Variants in SIGLEC15 observed in about 807,000 individuals in gnomAD.
SIGLEC15 encodes the protein sialic acid binding Ig like lectin 15, also known as sialic acid-binding Ig-like lectin 15.
Under a neutral mutation model 26.2 loss-of-function variants are expected in SIGLEC15, and 31 were observed. The ratio of observed to expected loss-of-function variants is 1.18; its 90% CI spans 0.89 to 1.60. The LOEUF (loss-of-function observed/expected upper bound fraction) is 1.60. Among genes scored for constraint, SIGLEC15 ranks in the 40% most tolerant of loss-of-function variants. SIGLEC15 has a pLI of 0.00. For missense variants in SIGLEC15, 501 were observed against 488.4 expected (o/e 1.03, Z -0.24); for synonymous variants, 207 against 221.9 (o/e 0.93, Z 0.60).
chr18:45,840,273 A>G (rs2048314337), intron 5 of SIGLEC15, 32 bp downstream of exon 5: 2 of 1,602,774 alleles, frequency 1.2e-6, no homozygotes, highest in African/African-American at 2.7e-5. Context: ...ACCCTACCCT[A>G]CCCCACCCAC....
At chr18:45,840,070 TCA>T in intron 4 of SIGLEC15, 139 bp from the exon 5 acceptor site, 2 of 861,624 alleles carry the variant, frequency 2.3e-6, no homozygotes, top group Non-Finnish European at 3.6e-6. Context: ...TGGCACAGCT[TCA>T]CACCCTGCTA....
At chr18:45,825,847 C>T (rs768363417) in intron 1 of SIGLEC15, 67 bp downstream of exon 1, 45 of 1,583,194 alleles carry the variant, frequency 2.8e-5, no homozygotes, top group Non-Finnish European at 3.7e-5. Context: ...ATCTTAGGTA[C>T]AGTCTCCCCT....
In SIGLEC15 at chr18:45,834,533, G is replaced by T. The variant is rs541798951; in HGVS notation, c.53-2496G>T. Among the ~76,000 whole-genome samples, 64 of 152,342 alleles carry T rather than the reference G, an allele frequency of 4.2e-4. 1 individual carries two copies. Among genetic ancestry groups the T allele is most frequent in the Admixed American group, 1.4e-3 (22 of 15,314 alleles). On this transcript the variant is annotated intron_variant, in intron 1 of 5. Coordinates refer to ENST00000389474, the MANE Select transcript of SIGLEC15 (RefSeq NM_213602.3). The stretch of plus-strand genomic sequence containing the variant: ...CCCTGAGGATGAAGAGGAGGAGCTG[G>T]TGAGTGACATGGCCAGAAGCCATAT...
chr18:45,838,311 A>T (rs1437407086), intron 3 of SIGLEC15, among the ~76,000 whole-genome samples: 1 of 152,148 alleles, frequency 6.6e-6, no homozygotes, highest in African/African-American at 2.4e-5. Flanking sequence ...AGTAGTGCCT[A>T]GCACTTTGCC....
Position 45,837,082 on chromosome 18 carries a change from G to T in SIGLEC15, c.106G>T (p.Val36Leu), listed in dbSNP as rs1284674285. Residue 36 changes from valine to leucine, a missense_variant, in exon 2 of 6, where the codon GTG becomes TTG. Coordinates refer to ENST00000389474, the MANE Select transcript of SIGLEC15 (RefSeq NM_213602.3). The stretch of plus-strand genomic sequence containing the variant: ...TACGGAGAACTTGCTCAACACAGAG[G>T]TGCACAGTAAGTGCTTTTATTATTA... ...DTTENLLNTE[V>L]HSSPAQRWSM... 6.2e-7 allele frequency: 1 copy of T among 1,611,710 alleles called. No individual in the cohort carries two copies. Among genetic ancestry groups the T allele is most frequent in the South Asian group, 1.1e-5 (1 of 91,014 alleles).
In SIGLEC15 at chr18:45,842,316, G is replaced by A. The variant is rs1025944102; in HGVS notation, c.*129G>A. On this transcript the variant is annotated 3_prime_UTR_variant, in exon 6 of 6. Coordinates refer to ENST00000389474, the MANE Select transcript of SIGLEC15 (RefSeq NM_213602.3). ...CCCCCAGCTGGGTGGCTCCTCCCCTGCTCAAGGTCAAGACCCTGCTCAAGG... is the reference window on the plus strand; with the variant it reads ...CCCCCAGCTGGGTGGCTCCTCCCCTACTCAAGGTCAAGACCCTGCTCAAGG... 1.2e-5 allele frequency: 11 copies of A among 903,520 alleles called. No homozygotes were observed. Among genetic ancestry groups the A allele is most frequent in the African/African-American group, 1.2e-4 (7 of 59,790 alleles). The allele number at this position is 903,520 out of a possible 1,614,324, so 56.0% of individuals were successfully genotyped here.
In SIGLEC15 at chr18:45,835,561, C is replaced by T. The variant is rs961421631; in HGVS notation, c.53-1468C>T. 2.0e-5 allele frequency among the ~76,000 whole-genome samples: 3 copies of T among 152,314 alleles called. No homozygotes were observed. In the South Asian group the frequency reaches 6.2e-4, roughly 32 times the overall value. ...TAACAAACTGGTGCTGATCTCATTT[C>T]GTAGAGGTCAGTCACTCTCCCACTC... is the stretch of plus-strand genomic sequence containing the variant. On this transcript the variant is annotated intron_variant, in intron 1 of 5. Coordinates refer to ENST00000389474, the MANE Select transcript of SIGLEC15 (RefSeq NM_213602.3).
intron 1 of SIGLEC15, among the ~76,000 whole-genome samples, chr18:45,831,207 G>T (rs924754752): frequency 6.6e-6 from 1 of 152,182 alleles, no homozygotes; most frequent in Admixed American, 6.5e-5. Flanking sequence ...GTGTCCACCT[G>T]CTACACTCGC....
In SIGLEC15 at chr18:45,831,587, A is replaced by G. The variant is rs555885330; in HGVS notation, c.53-5442A>G. On this transcript the variant is annotated intron_variant, in intron 1 of 5. Transcript: ENST00000389474. ...CAGCACCCAGCAGAGTCTCTAGCAC[A>G]TGGTAAACTCTCAATAAATACCTAT... 2.6e-5 allele frequency among the ~76,000 whole-genome samples: 4 copies of G among 152,366 alleles called. No individual in the cohort carries two copies. In the South Asian group the frequency reaches 8.3e-4, roughly 32 times the overall value.
chr18:45,837,628 G>C lies in SIGLEC15; in HGVS notation c.228G>C (p.Pro76=). 1 of 1,507,766 alleles carries C rather than the reference G, an allele frequency of 6.6e-7. No homozygotes were observed. Among genetic ancestry groups the C allele is most frequent in the Non-Finnish European group, 8.8e-7 (1 of 1,135,880 alleles). 93.4% of individuals were successfully genotyped at this position (1,507,766 alleles called of 1,614,324 possible). A position where few individuals can be genotyped will look rare whatever the true frequency, so the allele number is the denominator to read the frequency against. The stretch of plus-strand genomic sequence containing the variant: ...ACCCGCACCGCCACTACGACGGGCC[G>C]CTGACGGCCATCTGGCGCGCGGGCG... The part of the protein sequence containing the change: ...FTHPHRHYDG[P]LTAIWRAGEP... Residue 76 remains proline, a synonymous_variant, in exon 3 of 6, where the codon CCG becomes CCC. Transcript: ENST00000389474.
chr18:45,830,689 G>A (rs1351358375), intron 1 of SIGLEC15, among the ~76,000 whole-genome samples: 7 of 140,566 alleles, frequency 5.0e-5, no homozygotes, highest in South Asian at 2.3e-4. Flanking sequence ...AGGTTCAAGC[G>A]AGTCTCCTGC....
rs983092148 is a variant in SIGLEC15 at position 45,842,720 on chromosome 18, A to C, written c.*533A>C. 1 of 156,454 alleles carries C rather than the reference A, an allele frequency of 6.4e-6. No homozygotes were observed. The highest frequency in any genetic ancestry group is 1.4e-5 in the Non-Finnish European group (1 of 70,546). The allele number at this position is 156,454 out of a possible 1,614,324, so 9.7% of individuals were successfully genotyped here. ...AGGACTACAAAGATCTGAGGAAATA[A>C]TGGATATGAAGGGGCTTTGGAAAGT... is the stretch of plus-strand genomic sequence containing the variant. On this transcript the variant is annotated 3_prime_UTR_variant, in exon 6 of 6. Coordinates refer to ENST00000389474, the MANE Select transcript of SIGLEC15 (RefSeq NM_213602.3).
chr18:45,841,593 C>A (rs141274240), intron 5 of SIGLEC15, among the ~76,000 whole-genome samples: 1 of 151,992 alleles, frequency 6.6e-6, no homozygotes, highest in Non-Finnish European at 1.5e-5. Context: ...AGTGGGTAGA[C>A]GGGAGGCAGG....
chr18:45,825,920 G>A, intron 1 of SIGLEC15, 140 bp downstream of exon 1: 2 of 975,606 alleles, frequency 2.1e-6, no homozygotes, highest in Non-Finnish European at 3.1e-6. Flanking sequence ...CTGCGCTTGG[G>A]GCCTGTGGTG....
intron 5 of SIGLEC15, 90 bp downstream of exon 5, chr18:45,840,331 C>T (rs1026483087): frequency 7.0e-7 from 1 of 1,432,648 alleles, no homozygotes; most frequent in African/African-American, 1.4e-5. Context: ...GAATAAATGG[C>T]AAAGGGCTGG....
chr18:45,837,179 G>T, intron 2 of SIGLEC15, 91 bp downstream of exon 2: 1 of 1,557,934 alleles, frequency 6.4e-7, no homozygotes, highest in Non-Finnish European at 8.7e-7. Flanking sequence ...GGCAGGTTTT[G>T]ATGGGGAAAA....
chr18:45,833,372 A>C (rs1478787793), intron 1 of SIGLEC15, among the ~76,000 whole-genome samples: 1 of 152,148 alleles, frequency 6.6e-6, no homozygotes, highest in Non-Finnish European at 1.5e-5. Flanking sequence ...GCTGGAGTAC[A>C]GTGGTGCAGT....
In SIGLEC15 at chr18:45,838,742, C is replaced by A. The variant is rs373271205; in HGVS notation, c.521C>A (p.Ser174Ter). 89 of 1,580,050 alleles carry A rather than the reference C, an allele frequency of 5.6e-5. No homozygotes were observed. The African/African-American group carries it at 1.1e-3, about 20-fold the overall frequency. ...GCCGCGCCGCGGATCGTCAACATCTCGGTGCTGCCCAGTCCGGCTCACGCC... is the reference window on the plus strand; with the variant it reads ...GCCGCGCCGCGGATCGTCAACATCTAGGTGCTGCCCAGTCCGGCTCACGCC... ...VTAAPRIVNI[S>*]VLPSPAHAFR... The change falls in exon 4 of 6, where the codon TCG (serine) becomes TAG (stop). Residue 174 changes from serine (S) to a stop codon, truncating the protein, a stop_gained. Transcript: ENST00000389474. LOFTEE classifies it high-confidence loss of function.
chr18:45,842,415 G>A lies in SIGLEC15; in HGVS notation c.*228G>A. ...ATTTTTGCCAGCATTTCGTAAATGT[G>A]CATACGTCTGTGTGTGTGTGTGTGT... On this transcript the variant is annotated 3_prime_UTR_variant, in exon 6 of 6. Coordinates refer to ENST00000389474, the MANE Select transcript of SIGLEC15 (RefSeq NM_213602.3). 1.8e-6 allele frequency: 1 copy of A among 569,368 alleles called. No homozygotes were observed. The highest frequency in any genetic ancestry group is 2.1e-5 in the South Asian group (1 of 48,570). 35.3% of individuals were successfully genotyped at this position (569,368 alleles called of 1,614,324 possible). A position where few individuals can be genotyped will look rare whatever the true frequency, so the allele number is the denominator to read the frequency against.
Sources: allele counts gnomAD v4.1 joint callset (sites outside exome capture counted in the v4.1 genomes callset), GRCh38; gene constraint gnomAD v4.1.1; transcripts MANE v1.5; gene names NCBI Gene and HGNC (gene_info 2026-07-23, HGNC 2026-07-21).